Variants in HAUS7 observed in about 807,000 individuals in gnomAD.
HAUS7 encodes the protein HAUS augmin-like complex subunit 7.
A neutral mutation model predicts 28.4 loss-of-function variants in HAUS7; 3 were observed. That is an observed-to-expected ratio of 0.11 (90% CI 0.05 to 0.27). The LOEUF is 0.27. HAUS7 is among the 10% of genes least tolerant of loss of function. The probability of loss-of-function intolerance (pLI) is 1.00; values close to 1 mark genes in which losing one functional copy is unlikely to be tolerated. For synonymous variants in HAUS7, 165 were observed against 132.1 expected (o/e 1.25, Z -1.71); for missense variants, 284 against 297.3 (o/e 0.96, Z 0.33).
In HAUS7 at chrX:153,479,421, G is replaced by A. The variant is rs781962373; in HGVS notation, c.-588-8276C>T. On this transcript the variant is annotated intron_variant, in intron 1 of 5. Coordinates refer to the HAUS7 transcript ENST00000370210. ...TGGCACCAGCAGGAAGAAGACTGCCGCAGGCTGTCCACCTCAGGCCCACTT... is the reference window on the plus strand; with the variant it reads ...TGGCACCAGCAGGAAGAAGACTGCCACAGGCTGTCCACCTCAGGCCCACTT... 284 of 741,980 alleles carry A rather than the reference G, an allele frequency of 3.8e-4. 1 individual carries two copies. The African/African-American group carries it at 6.2e-3, about 16-fold the overall frequency. 61.1% of individuals were successfully genotyped at this position (741,980 alleles called of 1,213,427 possible). A position where few individuals can be genotyped will look rare whatever the true frequency, so the allele number is the denominator to read the frequency against.
At chrX:153,457,401 C>T (rs1419602921) in intron 4 of HAUS7, among the ~76,000 whole-genome samples, 173 bp from the exon 5 acceptor site, 3 of 113,325 alleles carry the variant, frequency 2.6e-5, no homozygotes, top group African/African-American at 9.6e-5. Flanking sequence ...CTAGCAAGTG[C>T]TCCCTGCCTG....
chrX:153,481,415 G>A (rs1432025699), intron 1 of HAUS7: 9 of 753,400 alleles, frequency 1.2e-5, no homozygotes, highest in East Asian at 1.5e-4. Context: ...GACCGCAGCC[G>A]AGGCCAGGGT....
At chrX:153,472,446 CCTG>C (rs1556985549), upstream of HAUS7, among the ~76,000 whole-genome samples, 2 of 74,837 alleles carry the variant, frequency 2.7e-5, no homozygotes, top group African/African-American at 8.7e-5. Context: ...CCACCCACCA[CCTG>C]CCACCCACCA....
intron 2 of HAUS7, among the ~76,000 whole-genome samples, chrX:153,467,658 C>A (rs1556984456): frequency 8.9e-6 from 1 of 112,685 alleles, no homozygotes; most frequent in African/African-American, 3.2e-5. Context: ...AGGACTTGTA[C>A]CCACTAAATA....
intron 2 of HAUS7, among the ~76,000 whole-genome samples, chrX:153,465,900 C>T (rs782187817): frequency 8.9e-6 from 1 of 112,535 alleles, no homozygotes; most frequent in African/African-American, 3.2e-5. Flanking sequence ...AGGCTCTTAC[C>T]CGGGAGCCCC....
At chrX:153,448,016 C>T (rs1602922246) in intron 9 of HAUS7, 107 bp from the exon 10 acceptor site, 3 of 609,828 alleles carry the variant, frequency 4.9e-6, no homozygotes, top group East Asian at 3.3e-5. Flanking sequence ...CTAGAAATAC[C>T]ATTTGACCCA....
intron 7 of HAUS7, 114 bp downstream of exon 7, chrX:153,456,151 G>A: frequency 1.8e-6 from 1 of 571,374 alleles, no homozygotes; most frequent in Non-Finnish European, 3.0e-6. Flanking sequence ...CAGTATTCTA[G>A]AACATGTCAG....
intron 1 of HAUS7, among the ~76,000 whole-genome samples, chrX:153,470,114 C>T (rs1351335642): frequency 1.8e-5 from 2 of 112,841 alleles, no homozygotes; most frequent in African/African-American, 6.4e-5. Context: ...GCCCATCTGT[C>T]CCCCCAGACC....
intron 1 of HAUS7, among the ~76,000 whole-genome samples, chrX:153,469,816 AAGAG>A (rs1242799700): frequency 1.8e-5 from 2 of 111,203 alleles, no homozygotes; most frequent in Non-Finnish European, 3.8e-5. Context: ...ACTAAGACTT[AAGAG>A]AGAGTCCTAG....
At chrX:153,484,533 G>C (rs1365568355) in intron 1 of HAUS7, among the ~76,000 whole-genome samples, 1 of 110,349 alleles carries the variant, frequency 9.1e-6, no homozygotes, top group East Asian at 2.9e-4. Context: ...CCAGGCGGGA[G>C]GCTGAGGAGG....
rs781786441 is a variant in HAUS7, at chrX:153,486,621, C to G, written c.-589+8753G>C. On this transcript the variant is annotated intron_variant, in intron 1 of 5. Transcript: ENST00000370210. ...CTCTCCCCTGCTCTGCCCCACCCCTCCCTTGCAGACAAGTGCCCTTGAATT... is the reference window on the plus strand; with the variant it reads ...CTCTCCCCTGCTCTGCCCCACCCCTGCCTTGCAGACAAGTGCCCTTGAATT... 3.6e-5 allele frequency: 35 copies of G among 980,941 alleles called. No homozygotes were observed. In the African/African-American group the frequency reaches 6.2e-4, roughly 17 times the overall value. 80.8% of individuals were successfully genotyped at this position (980,941 alleles called of 1,213,427 possible).
chrX:153,449,449 CTG>C (rs1398754545), intron 9 of HAUS7, among the ~76,000 whole-genome samples: 1 of 112,767 alleles, frequency 8.9e-6, no homozygotes, highest in Admixed American at 9.3e-5. Flanking sequence ...CTGCTCTAGA[CTG>C]TCTTCCTAGG....
intron 1 of HAUS7, among the ~76,000 whole-genome samples, chrX:153,469,638 T>C (rs1424606703): frequency 6.2e-5 from 7 of 112,792 alleles, no homozygotes; most frequent in Non-Finnish European, 9.4e-5. Context: ...TCAGTGTACA[T>C]CTGCAAGCTC....
At chrX:153,485,812 C>T (rs2089632702) in intron 1 of HAUS7, 1 of 903,438 alleles carries the variant, frequency 1.1e-6, no homozygotes, top group Admixed American at 4.9e-5. Flanking sequence ...GGCTGGTGCA[C>T]GTGCCCCGCT....
upstream of HAUS7, among the ~76,000 whole-genome samples, chrX:153,472,210 C>T (rs1556985494): frequency 5.4e-5 from 6 of 111,846 alleles, no homozygotes; most frequent in African/African-American, 3.3e-5. Context: ...CCCAGCTCCA[C>T]GGAGCCAGTG....
intron 1 of HAUS7, among the ~76,000 whole-genome samples, chrX:153,490,949 G>A (rs1455610600): frequency 2.7e-5 from 3 of 112,146 alleles, no homozygotes; most frequent in African/African-American, 9.7e-5. Flanking sequence ...GCCCACTGCA[G>A]CTCTCTGTCC....
intron 1 of HAUS7, chrX:153,481,318 C>T (rs2089598418): frequency 2.8e-6 from 2 of 725,288 alleles, no homozygotes; most frequent in Middle Eastern, 7.9e-4. Context: ...CAGTAGGGCC[C>T]CTGTTGCTTG....
chrX:153,460,331 T>C (rs2089371773), intron 4 of HAUS7, among the ~76,000 whole-genome samples: 1 of 111,530 alleles, frequency 9.0e-6, no homozygotes, highest in Admixed American at 9.5e-5. Flanking sequence ...ATAGAGGTGG[T>C]GGTCATACAA....
At chrX:153,473,741 G>A (rs1006964464), upstream of HAUS7, among the ~76,000 whole-genome samples, 10 of 112,353 alleles carry the variant, frequency 8.9e-5, no homozygotes, top group East Asian at 2.8e-4. Context: ...GAGGCTCTCC[G>A]CAGGCAAGGC....
Sources: gnomAD v4.1 joint callset for allele counts (sites outside exome capture counted in the v4.1 genomes callset) on GRCh38, gnomAD v4.1.1 for gene constraint, MANE v1.5 for transcripts, NCBI Gene and HGNC (gene_info 2026-07-23, HGNC 2026-07-21) for gene names.